The following CCSER1 variants were observed in gnomAD, a reference collection of about 807,000 sequenced individuals.
The protein encoded by CCSER1 is coiled-coil serine rich protein 1.
Under a neutral mutation model 82.0 loss-of-function variants are expected in CCSER1, and 41 were observed. The ratio of observed to expected loss-of-function variants is 0.50; its 90% confidence interval spans 0.39 to 0.65. The LOEUF (loss-of-function observed/expected upper bound fraction) is 0.65. Ranked by LOEUF, CCSER1 falls within the 30% of genes least tolerant of loss-of-function variation. CCSER1 has a pLI of 0.00. For missense variants in CCSER1, 1,119 were observed against 1,064.2 expected (o/e 1.05, Z -0.72); for synonymous variants, 414 against 383.9 (o/e 1.08, Z -0.92).
At chr4:90,325,120 T>C (rs1193667776) in intron 3 of CCSER1, among the ~76,000 whole-genome samples, 1 of 152,216 alleles carries the variant, frequency 6.6e-6, no homozygotes, top group Non-Finnish European at 1.5e-5. Context: ...CTTTTGGTTC[T>C]TATGAATGTG....
At chr4:90,511,490 C>T (rs558803142) in intron 5 of CCSER1, among the ~76,000 whole-genome samples, 1 of 152,228 alleles carries the variant, frequency 6.6e-6, no homozygotes, top group East Asian at 1.9e-4. Flanking sequence ...AAGTGCTATT[C>T]GAATGAGTTC....
intron 10 of CCSER1, among the ~76,000 whole-genome samples, chr4:91,563,300 T>C (rs533343645): frequency 1.7e-4 from 26 of 151,612 alleles, no homozygotes; most frequent in Non-Finnish European, 3.5e-4. Flanking sequence ...CTGAATTCAA[T>C]AGCATATCAA....
At chr4:90,486,981 G>A (rs950024718) in intron 5 of CCSER1, among the ~76,000 whole-genome samples, 4 of 152,220 alleles carry the variant, frequency 2.6e-5, no homozygotes, top group Admixed American at 1.3e-4. Context: ...GCAGGATCTC[G>A]GCTTACTGCA....
At chr4:91,091,382 A>G (rs1723933563) in intron 10 of CCSER1, among the ~76,000 whole-genome samples, 2 of 152,124 alleles carry the variant, frequency 1.3e-5, no homozygotes, top group Admixed American at 6.5e-5. Context: ...TTATACAAAC[A>G]TGTTCCTTTT....
At chr4:90,481,783 T>A (rs1578705862) in intron 5 of CCSER1, among the ~76,000 whole-genome samples, 1 of 152,350 alleles carries the variant, frequency 6.6e-6, no homozygotes, top group African/African-American at 2.4e-5. Flanking sequence ...AGTATTTTAT[T>A]GAGGATTTTT....
At chr4:91,349,850 A>T (rs1560604626) in intron 10 of CCSER1, among the ~76,000 whole-genome samples, 2 of 151,968 alleles carry the variant, frequency 1.3e-5, no homozygotes, top group South Asian at 4.1e-4. Flanking sequence ...TGTCAATTAC[A>T]GTTTAGGGTT....
At chr4:91,523,058 A>G (rs1369060754) in intron 10 of CCSER1, among the ~76,000 whole-genome samples, 2 of 152,166 alleles carry the variant, frequency 1.3e-5, no homozygotes. Flanking sequence ...ATCAATATCT[A>G]GTTTATTGAG....
chr4:90,911,971 AAGC>A (rs1726460956), intron 8 of CCSER1, among the ~76,000 whole-genome samples: 1 of 152,196 alleles, frequency 6.6e-6, no homozygotes, highest in African/African-American at 2.4e-5. Flanking sequence ...TAGGTAAACA[AAGC>A]AGCCTGGAAG....
At chr4:90,403,295 C>A (rs890120315) in intron 4 of CCSER1, among the ~76,000 whole-genome samples, 1 of 151,600 alleles carries the variant, frequency 6.6e-6, no homozygotes, top group Non-Finnish European at 1.5e-5. Context: ...GTCAGGAGAT[C>A]GAGACCATCC....
At chr4:91,477,241 A>G (rs183656370) in intron 10 of CCSER1, among the ~76,000 whole-genome samples, 1 of 151,780 alleles carries the variant, frequency 6.6e-6, no homozygotes, top group Non-Finnish European at 1.5e-5. Flanking sequence ...TAATAATCCA[A>G]TTTAAAAATG....
chr4:90,451,374 G>A (rs115630027), intron 4 of CCSER1, among the ~76,000 whole-genome samples: 1,788 of 152,246 alleles, frequency 0.012, 33 homozygotes, highest in African/African-American at 0.041. Context: ...AGTCTTCCCC[G>A]AGGTAGACTC....
At chr4:91,585,390 CT>C (rs1763940207) in intron 10 of CCSER1, among the ~76,000 whole-genome samples, 1 of 151,354 alleles carries the variant, frequency 6.6e-6, no homozygotes, top group Admixed American at 6.6e-5. Flanking sequence ...TTGTCAAACA[CT>C]TACTTTATAT....
intron 10 of CCSER1, among the ~76,000 whole-genome samples, chr4:91,328,524 A>G (rs189634537): frequency 1.3e-5 from 2 of 152,272 alleles, no homozygotes; most frequent in African/African-American, 4.8e-5. Context: ...TTACAATTCA[A>G]CAGGAGAGTT....
At chr4:90,979,404 T>G (rs1252238001) in intron 9 of CCSER1, among the ~76,000 whole-genome samples, 1 of 151,722 alleles carries the variant, frequency 6.6e-6, no homozygotes, top group African/African-American at 2.4e-5. Context: ...ATAAAATATT[T>G]TATATTTTAA....
chr4:91,578,500 C>A (rs1364978951), intron 10 of CCSER1, among the ~76,000 whole-genome samples: 1 of 151,842 alleles, frequency 6.6e-6, no homozygotes, highest in Non-Finnish European at 1.5e-5. Flanking sequence ...AAAAGTGTTC[C>A]ATTTTAGCAA....
At position 90,462,041 on chromosome 4, in the gene CCSER1, T is replaced by C. The variant is rs374033855; in HGVS notation, c.1604-6193T>C. 1.3e-4 allele frequency among the ~76,000 whole-genome samples: 20 copies of C among 152,342 alleles called. No homozygotes were observed. In the East Asian group the frequency reaches 1.3e-3, roughly 10 times the overall value. ...TCATGATGCAATGGCTTGTATCTTA[T>C]CTGCTTCTTTTTTTTCATTTCTTCT... On this transcript the variant is annotated intron_variant, in intron 4 of 10. Transcript: ENST00000509176.
chr4:91,249,660 A>G (rs893691727), intron 10 of CCSER1, among the ~76,000 whole-genome samples: 2 of 152,078 alleles, frequency 1.3e-5, no homozygotes, highest in African/African-American at 4.8e-5. Context: ...ATCAGTTTTC[A>G]TCTTTTCCAG....
At chr4:90,627,014 A>T (rs1723415069) in intron 5 of CCSER1, among the ~76,000 whole-genome samples, 1 of 152,312 alleles carries the variant, frequency 6.6e-6, no homozygotes, top group Admixed American at 6.5e-5. Context: ...AGTTTGAATG[A>T]ATTAACACAC....
chr4:90,693,876 A>G (rs1736490336), intron 6 of CCSER1, among the ~76,000 whole-genome samples: 1 of 151,550 alleles, frequency 6.6e-6, no homozygotes, highest in South Asian at 2.1e-4. Context: ...AAGAAGAAAG[A>G]GAGAAAGAAA....
Sources: allele counts gnomAD v4.1 joint callset (sites outside exome capture counted in the v4.1 genomes callset), GRCh38; gene constraint gnomAD v4.1.1; transcripts MANE v1.5; gene names NCBI Gene and HGNC (gene_info 2026-07-23, HGNC 2026-07-21).